The following ZMIZ2 variants were observed in gnomAD, a reference collection of about 807,000 sequenced individuals.
ZMIZ2 encodes zinc finger MIZ domain-containing protein 2.
A neutral mutation model predicts 93.9 loss-of-function variants in ZMIZ2; 26 were observed. The ratio of observed to expected loss-of-function variants is 0.28; its 90% CI spans 0.20 to 0.38. The LOEUF (loss-of-function observed/expected upper bound fraction) is 0.38. Among genes scored for constraint, ZMIZ2 ranks in the 10% least tolerant of loss-of-function variants. The pLI, the probability that ZMIZ2 is intolerant of heterozygous loss-of-function variation, is 1.00. For synonymous variants in ZMIZ2, 485 were observed against 516.4 expected, an observed-to-expected ratio of 0.94 and a Z score of 0.82; for missense variants, 1,023 against 1,235.0, an observed-to-expected ratio of 0.83 and a Z score of 2.57.
Position 44,752,870 on chromosome 7 carries a change from G to A in ZMIZ2, c.-62-3318G>A, listed in dbSNP as rs548218332. 4.2e-4 allele frequency among the ~76,000 whole-genome samples: 64 copies of A among 152,290 alleles called. 1 individual carries two copies. In the South Asian group the frequency reaches 8.5e-3, roughly 20 times the overall value. On this transcript the variant is annotated intron_variant, in intron 1 of 18. Coordinates refer to ENST00000309315, the MANE Select transcript of ZMIZ2 (RefSeq NM_031449.4). ...GTTTTCATTTCTCTGAGATAAATGC[G>A]TACAAGTGCAGTTGCTGGGTCATAG...
At chr7:44,752,795 C>G (rs891816775) in intron 1 of ZMIZ2, among the ~76,000 whole-genome samples, 1 of 152,178 alleles carries the variant, frequency 6.6e-6, no homozygotes, top group African/African-American at 2.4e-5. Context: ...ATAGCTCTTG[C>G]AAATAAAGCA....
In ZMIZ2 at chr7:44,759,331, C is replaced by T. The variant is rs543600015; in HGVS notation, c.864C>T (p.Thr288=). 1.5e-5 allele frequency: 24 copies of T among 1,602,998 alleles called. No individual in the cohort carries two copies. The highest frequency in any genetic ancestry group is 1.7e-4 in the Middle Eastern group (1 of 6,044). Residue 288 remains threonine (T), a synonymous_variant, in exon 7 of 19, where the codon ACC becomes ACT. Transcript: ENST00000309315. ...YLQGGQYAPS[T]AQFAPSPGQP... ...AAGGAGGCCAGTATGCACCCAGCAC[C>T]GCCCAGTTTGCGCCCAGCCCTGGGC... is the stretch of plus-strand genomic sequence containing the variant.
In ZMIZ2 at chr7:44,763,479, A is replaced by G. The variant is rs1791403214; in HGVS notation, c.1860+66A>G. 1 of 1,589,332 alleles carries G rather than the reference A, an allele frequency of 6.3e-7. No homozygotes were observed. Among genetic ancestry groups the G allele is most frequent in the Non-Finnish European group, 8.6e-7 (1 of 1,164,792 alleles). On this transcript the variant is annotated intron_variant, in intron 13 of 18. Coordinates refer to ENST00000309315, the MANE Select transcript of ZMIZ2 (RefSeq NM_031449.4). This position sits in a 1 kb window ranked among gnomAD's most constrained non-coding sequence, Gnocchi z 5.6. ...CTAAAATATCTTGAGTCGATACATC[A>G]GTGTCATTCTCTGGACAGACGTGAA...
chr7:44,766,378 G>A lies in ZMIZ2; in HGVS notation c.2413-43G>A, dbSNP rs770166258. On this transcript the variant is annotated intron_variant, in intron 17 of 18. Coordinates refer to ENST00000309315, the MANE Select transcript of ZMIZ2 (RefSeq NM_031449.4). This position sits in a 1 kb window ranked among gnomAD's most constrained non-coding sequence, Gnocchi z 4.4. ...GCCAAGGGGCCCTGTCTCCCCAGGG[G>A]AGCCCCTGAGCTGTTTTAACAAATT... is the stretch of plus-strand genomic sequence containing the variant. 12 of 1,611,488 alleles carry A rather than the reference G, an allele frequency of 7.4e-6. No individual in the cohort carries two copies. In the South Asian group the frequency reaches 1.1e-4, roughly 15 times the overall value.
At chr7:44,759,965 C>T in intron 7 of ZMIZ2, 186 bp from the exon 8 acceptor site, 1 of 685,702 alleles carries the variant, frequency 1.5e-6, no homozygotes, top group South Asian at 1.9e-5. Flanking sequence ...TTTTCAGCCC[C>T]TCCAACCTGT....
chr7:44,760,326 C>G lies in ZMIZ2; in HGVS notation c.1071+98C>G, dbSNP rs536130670. The G allele has an allele frequency of 8.8e-4, 1,385 of 1,570,272 alleles. 21 individuals carry two copies. The South Asian group carries it at 0.016, about 18-fold the overall frequency. On this transcript the variant is annotated intron_variant, in intron 8 of 18. Coordinates refer to ENST00000309315, the MANE Select transcript of ZMIZ2 (RefSeq NM_031449.4). ...GGCACCCCTGGGGCCGCCTCCTGTCCACCTCTGTTATCATGGTTCCCAGTG... is the reference window on the plus strand; with the variant it reads ...GGCACCCCTGGGGCCGCCTCCTGTCGACCTCTGTTATCATGGTTCCCAGTG...
chr7:44,759,942 G>A, intron 7 of ZMIZ2: 2 of 603,916 alleles, frequency 3.3e-6, no homozygotes, highest in East Asian at 3.0e-5. Flanking sequence ...GGAGGGCTTA[G>A]CGTGCTTTTG....
At chr7:44,767,173 A>T (rs77417625) in intron 18 of ZMIZ2, among the ~76,000 whole-genome samples, 6 of 152,086 alleles carry the variant, frequency 3.9e-5, no homozygotes, top group African/African-American at 1.4e-4. Context: ...ACCAGCATTC[A>T]CCTTGGGGCA....
chr7:44,756,829 TC>T (rs367773882), intron 3 of ZMIZ2, 117 bp from the exon 4 acceptor site: 28 of 1,260,630 alleles, frequency 2.2e-5, no homozygotes, highest in Middle Eastern at 2.2e-4. Context: ...CTATACCCTG[TC>T]CCCCCCACCT....
chr7:44,752,285 G>A (rs901735397), intron 1 of ZMIZ2, among the ~76,000 whole-genome samples: 10 of 151,858 alleles, frequency 6.6e-5, no homozygotes, highest in African/African-American at 1.9e-4. Flanking sequence ...CCACCACTAC[G>A]CCCGGTTAGT....
At position 44,748,863 on chromosome 7, in the gene ZMIZ2, G is replaced by A. The variant is rs1789862449; in HGVS notation, c.-191G>A. The stretch of plus-strand genomic sequence containing the variant: ...GGCGGCTCCATTGTGCCCTCGGAGC[G>A]GGCGGCGGCGCGATGGCGCGGGTGG... On this transcript the variant is annotated 5_prime_UTR_variant, in exon 1 of 19. Coordinates refer to ENST00000309315, the MANE Select transcript of ZMIZ2 (RefSeq NM_031449.4). The A allele has an allele frequency of 6.7e-6, 1 of 148,678 alleles. No individual in the cohort carries two copies. Among genetic ancestry groups the A allele is most frequent in the South Asian group, 1.8e-4 (1 of 5,672 alleles). 9.2% of individuals were successfully genotyped at this position (148,678 alleles called of 1,614,324 possible). A position where few individuals can be genotyped will look rare whatever the true frequency, so the allele number is the denominator to read the frequency against.
rs747010992 is a variant in ZMIZ2 at position 44,766,415 on chromosome 7, C to T, written c.2413-6C>T. ...TGTTTTAACAAATTCTTCTCTCTGT[C>T]TTCAGATGGCACCAGCAGGTCACCT... is the stretch of plus-strand genomic sequence containing the variant. On this transcript the variant is annotated splice_polypyrimidine_tract_variant and splice_region_variant and intron_variant, in intron 17 of 18. Transcript: ENST00000309315. This position sits in a 1 kb window ranked among gnomAD's most constrained non-coding sequence, Gnocchi z 4.4. The T allele has an allele frequency of 6.2e-7, 1 of 1,614,118 alleles. No homozygotes were observed. The highest frequency in any genetic ancestry group is 2.2e-5 in the East Asian group (1 of 44,890).
intron 4 of ZMIZ2, 31 bp from the exon 5 acceptor site, chr7:44,757,347 A>C (rs148462681): frequency 6.3e-7 from 1 of 1,588,616 alleles, no homozygotes; most frequent in Admixed American, 1.7e-5. Flanking sequence ...GAGCCCACGC[A>C]GAGAGCGTGG....
At chr7:44,752,367 T>C (rs1447697311) in intron 1 of ZMIZ2, among the ~76,000 whole-genome samples, 1 of 152,118 alleles carries the variant, frequency 6.6e-6, no homozygotes, top group Admixed American at 6.5e-5. Flanking sequence ...GGTCTCGAAC[T>C]CCTGACCTCA....
In ZMIZ2 at chr7:44,766,905, A is replaced by G. The variant is rs956984213; in HGVS notation, c.2655+242A>G. ...CGTACGGGCGGACGCAGAGTCTCAG[A>G]GGAGACTGCACTGGAAGCTGACAGC... On this transcript the variant is annotated intron_variant, in intron 18 of 18. Transcript: ENST00000309315. The surrounding 1 kb of genome is among the most constrained non-coding windows in gnomAD (Gnocchi z 4.4). Among the ~76,000 whole-genome samples the G allele has an allele frequency of 1.3e-5, 2 of 152,186 alleles. No individual in the cohort carries two copies. The highest frequency in any genetic ancestry group is 2.4e-5 in the African/African-American group (1 of 41,436).
At chr7:44,760,665 GA>G in intron 9 of ZMIZ2, 72 bp downstream of exon 9, 3 of 1,563,264 alleles carry the variant, frequency 1.9e-6, no homozygotes, top group Non-Finnish European at 2.6e-6. Flanking sequence ...CAGGACTCCA[GA>G]GAGTCCTGTA....
In ZMIZ2 at chr7:44,757,472, G is replaced by A; in HGVS notation, c.463G>A (p.Ala155Thr). ...AGCGGCAGCTGCTGCAGCTGTGGCTGCTGCGGCAGCCACTGCCACCGCCAC... is the reference window on the plus strand; with the variant it reads ...AGCGGCAGCTGCTGCAGCTGTGGCTACTGCGGCAGCCACTGCCACCGCCAC... ...TQAAAAAAVA[A>T]AAATATATAT... Residue 155 changes from alanine to threonine, a missense_variant, in exon 5 of 19, where the codon GCT becomes ACT. Ala to Thr is a moderately conservative substitution (Grantham distance 58). Coordinates refer to ENST00000309315, the MANE Select transcript of ZMIZ2 (RefSeq NM_031449.4). 1.2e-6 allele frequency: 2 copies of A among 1,604,672 alleles called. No homozygotes were observed. The highest frequency in any genetic ancestry group is 1.7e-6 in the Non-Finnish European group (2 of 1,178,506).
Position 44,757,407 on chromosome 7 carries a change from T to A in ZMIZ2, c.398T>A (p.Leu133His). 6.2e-7 allele frequency: 1 copy of A among 1,602,944 alleles called. No individual in the cohort carries two copies. Among genetic ancestry groups the A allele is most frequent in the Non-Finnish European group, 8.5e-7 (1 of 1,179,494 alleles). The change falls in exon 5 of 19, where the codon CTC becomes CAC. Residue 133 changes from leucine to histidine, a missense_variant. By Grantham distance (99) the Leu-to-His change is moderately conservative. Coordinates refer to ENST00000309315, the MANE Select transcript of ZMIZ2 (RefSeq NM_031449.4). ...GCAGGCGGCCCGGGGGGCCTGGGCC[T>A]CCCCTCACATGCTGCAAGACCCTCC... is the stretch of plus-strand genomic sequence containing the variant. ...GYAGGPGGLGLPSHAARPSTD... is the reference protein window; with the variant it reads ...GYAGGPGGLGHPSHAARPSTD...
At chr7:44,755,162 G>A (rs1347825563) in intron 1 of ZMIZ2, among the ~76,000 whole-genome samples, 20 of 152,188 alleles carry the variant, frequency 1.3e-4, no homozygotes, top group Admixed American at 1.3e-3. Context: ...GGTCCTGCAT[G>A]CGTCCTCCCT....
Sources: gnomAD v4.1 joint callset for allele counts (sites outside exome capture counted in the v4.1 genomes callset) on GRCh38, gnomAD v4.1.1 for gene constraint, Gnocchi (gnomAD v3.1) non-coding constraint, MANE v1.5 for transcripts, NCBI Gene and HGNC (gene_info 2026-07-23, HGNC 2026-07-21) for gene names.